The following PTPRD variants were observed in gnomAD, a reference collection of about 807,000 sequenced individuals.
PTPRD encodes the protein protein tyrosine phosphatase receptor type D, also known as receptor-type tyrosine-protein phosphatase delta.
Under a neutral mutation model 214.5 loss-of-function variants are expected in PTPRD, and 34 were observed. The observed-to-expected ratio is 0.16, with a 90% CI of 0.12 to 0.21. PTPRD has a LOEUF of 0.21. Ranked by LOEUF, PTPRD falls within the 10% of genes least tolerant of loss-of-function variation. PTPRD has a pLI of 1.00. For synonymous variants in PTPRD, 1,128 were observed against 845.7 expected (o/e 1.33, Z -5.79); for missense variants, 2,545 against 2,398.7 (o/e 1.06, Z -1.27).
intron 6 of PTPRD, among the ~76,000 whole-genome samples, chr9:9,735,177 G>A (rs189450474): frequency 1.3e-3 from 202 of 152,212 alleles, no homozygotes; most frequent in African/African-American, 4.6e-3. Flanking sequence ...AAATTCCCAA[G>A]AGGAGACCCA....
intron 11 of PTPRD, among the ~76,000 whole-genome samples, chr9:8,934,950 T>C (rs2098986592): frequency 6.6e-6 from 1 of 152,178 alleles, no homozygotes; most frequent in Admixed American, 6.6e-5. Flanking sequence ...ATTTTCTTCC[T>C]TTTTTAAAGC....
At chr9:8,343,583 C>T (rs968885442) in intron 39 of PTPRD, among the ~76,000 whole-genome samples, 30 of 152,028 alleles carry the variant, frequency 2.0e-4, no homozygotes, top group African/African-American at 7.2e-4. Flanking sequence ...CCCTGACATT[C>T]CCCATTCCTA....
At chr9:10,318,923 G>C (rs1220705363) in intron 3 of PTPRD, among the ~76,000 whole-genome samples, 1 of 152,032 alleles carries the variant, frequency 6.6e-6, no homozygotes, top group Non-Finnish European at 1.5e-5. Context: ...TCTGAAAATA[G>C]GGCTAAGAAC....
intron 5 of PTPRD, among the ~76,000 whole-genome samples, chr9:9,856,591 GCAAT>G (rs2061596818): frequency 6.7e-6 from 1 of 150,286 alleles, no homozygotes; most frequent in East Asian, 2.0e-4. Flanking sequence ...ACAATTCCCA[GCAAT>G]CAGAGAGGAA....
intron 35 of PTPRD, among the ~76,000 whole-genome samples, chr9:8,405,619 G>A (rs1335268892): frequency 1.3e-5 from 2 of 151,990 alleles, no homozygotes; most frequent in East Asian, 3.9e-4. Flanking sequence ...ATAGGCTACT[G>A]ATAACATTTA....
chr9:10,129,932 TG>T (rs35652201), intron 3 of PTPRD, among the ~76,000 whole-genome samples: 18,906 of 152,028 alleles, frequency 0.12, 1,289 homozygotes, highest in South Asian at 0.26. Flanking sequence ...AATAACCAAA[TG>T]TTTTTTTTTA....
intron 2 of PTPRD, among the ~76,000 whole-genome samples, chr9:10,452,997 T>C (rs1425180262): frequency 6.6e-6 from 1 of 151,748 alleles, no homozygotes; most frequent in South Asian, 2.1e-4. Context: ...TGAGTTGATT[T>C]TTGTGTGTGG....
At chr9:9,220,319 T>TTTTTA (rs1555012243) in intron 9 of PTPRD, among the ~76,000 whole-genome samples, 1 of 148,610 alleles carries the variant, frequency 6.7e-6, no homozygotes. Flanking sequence ...GCTTTTTTTT[T>TTTTTA]AAAAGCACTA....
intron 10 of PTPRD, among the ~76,000 whole-genome samples, chr9:9,116,716 C>A (rs539094014): frequency 4.9e-4 from 74 of 151,996 alleles, no homozygotes; most frequent in Non-Finnish European, 8.1e-4. Flanking sequence ...TGGTTATTTT[C>A]AAGCAATCTT....
intron 7 of PTPRD, among the ~76,000 whole-genome samples, chr9:9,655,067 G>A (rs1212891466): frequency 6.6e-6 from 1 of 151,820 alleles, no homozygotes; most frequent in Non-Finnish European, 1.5e-5. Flanking sequence ...TAGGCCTTGA[G>A]AAAGAGAATA....
intron 5 of PTPRD, among the ~76,000 whole-genome samples, chr9:9,792,611 C>A (rs1468485281): frequency 6.6e-6 from 1 of 152,230 alleles, no homozygotes; most frequent in African/African-American, 2.4e-5. Context: ...ATATTACATA[C>A]ATTGCTTCAA....
At chr9:9,073,798 C>G (rs2099747233) in intron 10 of PTPRD, among the ~76,000 whole-genome samples, 1 of 151,548 alleles carries the variant, frequency 6.6e-6, no homozygotes, top group Non-Finnish European at 1.5e-5. Context: ...CTGACTAATA[C>G]ATATGCCAGC....
At chr9:8,970,653 A>G (rs1259646904) in intron 11 of PTPRD, among the ~76,000 whole-genome samples, 2 of 151,876 alleles carry the variant, frequency 1.3e-5, no homozygotes, top group African/African-American at 4.8e-5. Flanking sequence ...AATCTGCTTC[A>G]GAGCACATAA....
intron 34 of PTPRD, among the ~76,000 whole-genome samples, chr9:8,438,413 C>G (rs925418912): frequency 2.0e-5 from 3 of 152,094 alleles, no homozygotes; most frequent in African/African-American, 7.2e-5. Flanking sequence ...AGTAGAAACT[C>G]TTTGTTGGTG....
chr9:8,873,148 G>A (rs1283816274), intron 11 of PTPRD, among the ~76,000 whole-genome samples: 1 of 152,182 alleles, frequency 6.6e-6, no homozygotes, highest in Non-Finnish European at 1.5e-5. Context: ...TCGGCTCCTG[G>A]AGGGCAGGGA....
intron 9 of PTPRD, among the ~76,000 whole-genome samples, chr9:9,380,391 G>A (rs1490016015): frequency 6.6e-6 from 1 of 151,716 alleles, no homozygotes; most frequent in African/African-American, 2.4e-5. Context: ...AATTTTTGTG[G>A]GTACACAGTA....
intron 11 of PTPRD, among the ~76,000 whole-genome samples, chr9:8,843,798 G>C (rs904722597): frequency 2.6e-5 from 4 of 152,124 alleles, no homozygotes. Flanking sequence ...CATTTCTGCA[G>C]TGTAACAAAG....
At chr9:9,052,406 GT>G (rs1482440540) in intron 10 of PTPRD, among the ~76,000 whole-genome samples, 49 of 152,186 alleles carry the variant, frequency 3.2e-4, no homozygotes, top group Admixed American at 3.2e-3. Context: ...GACCCTAATA[GT>G]AGATTGAATA....
chr9:9,010,819 C>T (rs1589749050), intron 11 of PTPRD, among the ~76,000 whole-genome samples: 1 of 152,150 alleles, frequency 6.6e-6, no homozygotes, highest in East Asian at 1.9e-4. Context: ...GGGTGATAAA[C>T]ATGCACTGGA....
Sources: allele counts gnomAD v4.1 joint callset (sites outside exome capture counted in the v4.1 genomes callset), GRCh38; gene constraint gnomAD v4.1.1; transcripts MANE v1.5; gene names NCBI Gene and HGNC (gene_info 2026-07-23, HGNC 2026-07-21).